The following FAM219A variants were observed in gnomAD, a reference collection of about 807,000 sequenced individuals.
FAM219A encodes protein FAM219A.
Under a neutral mutation model 23.4 loss-of-function variants are expected in FAM219A, and 7 were observed. The ratio of observed to expected loss-of-function variants is 0.30; its 90% CI spans 0.17 to 0.56. FAM219A has a LOEUF of 0.56. FAM219A is among the 20% of genes least tolerant of loss of function. FAM219A has a pLI of 0.92. For synonymous variants in FAM219A, 93 were observed against 99.0 expected (o/e 0.94, Z 0.36); for missense variants, 166 against 246.9 (o/e 0.67, Z 2.20).
chr9:34,426,210 C>T (rs988000294), intron 1 of FAM219A, among the ~76,000 whole-genome samples: 19 of 152,184 alleles, frequency 1.2e-4, no homozygotes, highest in African/African-American at 4.3e-4. Flanking sequence ...ACTCTTTCCA[C>T]CACTCCCTTC....
At position 34,458,304 on chromosome 9, in the gene FAM219A, C is replaced by A; in HGVS notation, c.-41G>T. On this transcript the variant is annotated 5_prime_UTR_variant, in exon 1 of 6. Coordinates refer to ENST00000651358, the MANE Select transcript of FAM219A (RefSeq NM_001184940.2). This position sits in a 1 kb window ranked among gnomAD's most constrained non-coding sequence, Gnocchi z 6.6. ...GCGGGCCAGGGGCCGGGCGCGGCCG[C>A]GGACGCCGACAGGACCGCGCGGGGC... 7.5e-7 allele frequency: 1 copy of A among 1,326,748 alleles called. No homozygotes were observed. Among genetic ancestry groups the A allele is most frequent in the South Asian group, 2.0e-5 (1 of 48,898 alleles). 82.2% of individuals were successfully genotyped at this position (1,326,748 alleles called of 1,614,324 possible). A position where few individuals can be genotyped will look rare whatever the true frequency, so the allele number is the denominator to read the frequency against.
At position 34,399,460 on chromosome 9, in the gene FAM219A, A is replaced by T. The variant is rs1392788935; in HGVS notation, c.*1504T>A. ...CACCCTATACAGCCACACACAATAG[A>T]CAACCCTCCAACACACACACACATT... On this transcript the variant is annotated 3_prime_UTR_variant, in exon 6 of 6. Transcript: ENST00000651358. 6.6e-6 allele frequency: 1 copy of T among 152,496 alleles called. No individual in the cohort carries two copies. Among genetic ancestry groups the T allele is most frequent in the African/African-American group, 2.4e-5 (1 of 41,428 alleles). The allele number at this position is 152,496 out of a possible 1,614,324, so 9.4% of individuals were successfully genotyped here. A position where few individuals can be genotyped will look rare whatever the true frequency, so the allele number is the denominator to read the frequency against.
intron 1 of FAM219A, among the ~76,000 whole-genome samples, chr9:34,439,008 G>A (rs1295299160): frequency 1.3e-5 from 2 of 151,878 alleles, no homozygotes; most frequent in Admixed American, 6.6e-5. Flanking sequence ...GCGAGACCAC[G>A]AGCCCACCGG....
Position 34,417,374 on chromosome 9 carries a change from TG to T in FAM219A, c.61-11411del, listed in dbSNP as rs945976246. Among the ~76,000 whole-genome samples the T allele has an allele frequency of 6.6e-6, 1 of 152,212 alleles. No homozygotes were observed. The highest frequency in any genetic ancestry group is 2.4e-5 in the African/African-American group (1 of 41,450). On this transcript the variant is annotated intron_variant, in intron 1 of 5. Coordinates refer to ENST00000651358, the MANE Select transcript of FAM219A (RefSeq NM_001184940.2). The surrounding 1 kb of genome is among the most constrained non-coding windows in gnomAD (Gnocchi z 4.1). ...TAGCTTTATATTCTTACATAGTTTT[TG>T]TAACTATCAGTTTAATGGCTGCATA...
chr9:34,402,328 C>T (rs1821473307), intron 4 of FAM219A, 59 bp downstream of exon 4: 2 of 1,614,020 alleles, frequency 1.2e-6, no homozygotes, highest in African/African-American at 2.7e-5. Flanking sequence ...CTGTACAGCC[C>T]ACTTGTGCTA....
intron 1 of FAM219A, among the ~76,000 whole-genome samples, chr9:34,435,846 C>T (rs1044021139): frequency 6.6e-6 from 1 of 151,964 alleles, no homozygotes; most frequent in East Asian, 1.9e-4. Context: ...CACTGTATCA[C>T]CCAGGCTGGA....
chr9:34,406,951 C>T (rs529338015), intron 1 of FAM219A, among the ~76,000 whole-genome samples: 3 of 152,132 alleles, frequency 2.0e-5, no homozygotes, highest in East Asian at 1.9e-4. Context: ...TACAGGTACA[C>T]GCCACCAGGC....
At chr9:34,402,303 T>C (rs1481846490) in intron 4 of FAM219A, 84 bp downstream of exon 4, 2 of 1,614,004 alleles carry the variant, frequency 1.2e-6, no homozygotes, top group Non-Finnish European at 1.7e-6. Flanking sequence ...ATTCTGACAA[T>C]ATAGCAGGTG....
At chr9:34,451,952 G>C (rs11999701) in intron 1 of FAM219A, among the ~76,000 whole-genome samples, 30,215 of 152,086 alleles carry the variant, frequency 0.2, 3,486 homozygotes, top group African/African-American at 0.32. Flanking sequence ...AGGAATCAGT[G>C]AAAGAGCCCA....
chr9:34,403,614 G>A (rs1227097474), intron 2 of FAM219A, among the ~76,000 whole-genome samples: 1 of 152,214 alleles, frequency 6.6e-6, no homozygotes, highest in East Asian at 1.9e-4. Flanking sequence ...TGGCCATCAG[G>A]TGACCCAGTC....
At chr9:34,416,763 A>G (rs1173124808) in intron 1 of FAM219A, among the ~76,000 whole-genome samples, 1 of 138,380 alleles carries the variant, frequency 7.2e-6, no homozygotes, top group African/African-American at 2.7e-5. Context: ...TGATTTTTTT[A>G]TTTCTGTATT....
rs1821367732 is a variant in FAM219A, at chr9:34,400,201, G to C, written c.*763C>G. The C allele has an allele frequency of 2.0e-5, 3 of 152,232 alleles. No homozygotes were observed. The highest frequency in any genetic ancestry group is 7.2e-5 in the African/African-American group (3 of 41,396). The allele number at this position is 152,232 out of a possible 1,614,324, so 9.4% of individuals were successfully genotyped here. A position where few individuals can be genotyped will look rare whatever the true frequency, so the allele number is the denominator to read the frequency against. The stretch of plus-strand genomic sequence containing the variant: ...AATGAGCAGAAGCGTGGGTGAGGGT[G>C]GGGGCAGGGTGGGGTGGGCTGGTGG... On this transcript the variant is annotated 3_prime_UTR_variant, in exon 6 of 6. Coordinates refer to ENST00000651358, the MANE Select transcript of FAM219A (RefSeq NM_001184940.2).
intron 1 of FAM219A, among the ~76,000 whole-genome samples, chr9:34,437,288 G>GGACA (rs1429420660): frequency 6.6e-6 from 1 of 152,166 alleles, no homozygotes; most frequent in Non-Finnish European, 1.5e-5. Context: ...CTTTAAAACA[G>GGACA]GACACTACGT....
chr9:34,448,832 T>C (rs1272041345), intron 1 of FAM219A, among the ~76,000 whole-genome samples: 1 of 152,064 alleles, frequency 6.6e-6, no homozygotes, highest in African/African-American at 2.4e-5. Context: ...TAATGGACTC[T>C]GGGGACTCAC....
chr9:34,451,311 T>C (rs977917676), intron 1 of FAM219A, among the ~76,000 whole-genome samples: 2 of 151,950 alleles, frequency 1.3e-5, no homozygotes, highest in Non-Finnish European at 2.9e-5. Context: ...TTCCTTCCTT[T>C]CTCCTGCCCA....
rs527613939 is a variant in FAM219A at position 34,407,426 on chromosome 9, A to G, written c.61-1462T>C. On this transcript the variant is annotated intron_variant, in intron 1 of 5. Transcript: ENST00000651358. The stretch of plus-strand genomic sequence containing the variant: ...GGAAATTATAACAAGTAGAGAAAAC[A>G]GTATAGTGAGATCATAGGTACCTAT... Among the ~76,000 whole-genome samples, 5 of 152,346 alleles carry G rather than the reference A, an allele frequency of 3.3e-5. No homozygotes were observed. In the East Asian group the frequency reaches 9.6e-4, roughly 29 times the overall value.
intron 1 of FAM219A, among the ~76,000 whole-genome samples, chr9:34,456,592 C>T (rs973972935): frequency 2.6e-5 from 4 of 152,270 alleles, no homozygotes; most frequent in African/African-American, 4.8e-5. Context: ...AGGGCAATCT[C>T]GTTTGACAAG....
rs1391542306 is a variant in FAM219A at position 34,398,470 on chromosome 9, G to A, written c.*2494C>T. 8.2e-7 allele frequency: 1 copy of A among 1,219,086 alleles called. No homozygotes were observed. The highest frequency in any genetic ancestry group is 1.2e-6 in the Non-Finnish European group (1 of 857,580). The allele number at this position is 1,219,086 out of a possible 1,614,324, so 75.5% of individuals were successfully genotyped here. A position where few individuals can be genotyped will look rare whatever the true frequency, so the allele number is the denominator to read the frequency against. On this transcript the variant is annotated 3_prime_UTR_variant, in exon 6 of 6. Transcript: ENST00000651358. The stretch of plus-strand genomic sequence containing the variant: ...AACCTCCCAGACAGGGAAGGAGGGA[G>A]CCACACCCCTCCCTAGACACAGAAG...
chr9:34,427,850 C>A (rs1485379199), intron 1 of FAM219A, among the ~76,000 whole-genome samples: 2 of 152,128 alleles, frequency 1.3e-5, no homozygotes, highest in African/African-American at 2.4e-5. Flanking sequence ...AAGTAGGAGT[C>A]CCCCAAACCC....
Sources: allele counts gnomAD v4.1 joint callset (sites outside exome capture counted in the v4.1 genomes callset), GRCh38; gene constraint gnomAD v4.1.1; non-coding constraint Gnocchi (gnomAD v3.1); transcripts MANE v1.5; gene names NCBI Gene and HGNC (gene_info 2026-07-23, HGNC 2026-07-21).